The following PCDHA2 variants were observed in gnomAD, a reference collection of about 807,000 sequenced individuals.
PCDHA2 encodes the protein protocadherin alpha-2.
In PCDHA2, 58 loss-of-function variants were observed where a neutral mutation model predicts 66.0. The observed-to-expected ratio is 0.88, with a 90% CI of 0.71 to 1.09. The LOEUF is 1.09. PCDHA2 is among the 50% of genes least tolerant of loss of function. The probability of loss-of-function intolerance (pLI) is 0.00; values close to 1 mark genes in which losing one functional copy is unlikely to be tolerated. For synonymous variants in PCDHA2, 634 were observed against 554.0 expected, an observed-to-expected ratio of 1.14 and a Z score of -2.03; for missense variants, 1,267 against 1,242.3, an observed-to-expected ratio of 1.02 and a Z score of -0.30.
rs1769955190 is a variant in PCDHA2 at position 140,828,794 on chromosome 5, G to A, written c.2388+31442G>A. On this transcript the variant is annotated intron_variant, in intron 1 of 3. Transcript: ENST00000526136. ...TCAGCTGCTGGTCACAGTGCTGGAT[G>A]TGAATGATAATGCTCCCACTTTCGA... is the stretch of plus-strand genomic sequence containing the variant. 1 of 1,614,124 alleles carries A rather than the reference G, an allele frequency of 6.2e-7. No individual in the cohort carries two copies. Among genetic ancestry groups the A allele is most frequent in the African/African-American group, 1.3e-5 (1 of 74,946 alleles).
chr5:140,979,797 C>T (rs1253949980), intron 2 of PCDHA2, among the ~76,000 whole-genome samples: 1 of 152,154 alleles, frequency 6.6e-6, no homozygotes, highest in African/African-American at 2.4e-5. Flanking sequence ...AACAAATGAT[C>T]ACAACTATCA....
At chr5:140,954,650 C>G (rs2095069221) in intron 1 of PCDHA2, among the ~76,000 whole-genome samples, 1 of 151,902 alleles carries the variant, frequency 6.6e-6, no homozygotes, top group Non-Finnish European at 1.5e-5. Context: ...TGTTTAAGTT[C>G]CTTGTAGACT....
intron 1 of PCDHA2, among the ~76,000 whole-genome samples, chr5:140,954,350 GA>G (rs1255818394): frequency 6.6e-6 from 1 of 152,156 alleles, no homozygotes; most frequent in Non-Finnish European, 1.5e-5. Context: ...GATCTTTGAG[GA>G]ATCGCCACAC....
At chr5:140,873,162 G>A (rs782467879) in intron 1 of PCDHA2, among the ~76,000 whole-genome samples, 21 of 152,108 alleles carry the variant, frequency 1.4e-4, no homozygotes, top group Non-Finnish European at 2.2e-4. Flanking sequence ...ACTTTAGATC[G>A]AGAGCTTTTG....
intron 1 of PCDHA2, chr5:140,805,434 T>G: frequency 1.9e-6 from 2 of 1,052,646 alleles, no homozygotes; most frequent in South Asian, 7.1e-5. Context: ...GTTGTTTTGG[T>G]TTTTGTGTGT....
At chr5:140,937,869 G>A (rs1268422806) in intron 1 of PCDHA2, among the ~76,000 whole-genome samples, 1 of 150,376 alleles carries the variant, frequency 6.6e-6, no homozygotes, top group African/African-American at 2.5e-5. Flanking sequence ...CCGAGATCGC[G>A]CCACTGCACT....
intron 1 of PCDHA2, chr5:140,968,472 T>C (rs1554230782): frequency 6.2e-7 from 1 of 1,614,130 alleles, no homozygotes; most frequent in Non-Finnish European, 8.5e-7. Context: ...AACGTATATG[T>C]GGTGGACATG....
At chr5:140,964,212 A>G (rs1195642946) in intron 1 of PCDHA2, among the ~76,000 whole-genome samples, 11 of 152,244 alleles carry the variant, frequency 7.2e-5, no homozygotes, top group African/African-American at 2.7e-4. Flanking sequence ...TCTTTAGTAC[A>G]ATGTCTTTCA....
In PCDHA2 at chr5:140,929,377, C is replaced by G. The variant is rs1436728913; in HGVS notation, c.2389-49572C>G. 3 of 1,514,232 alleles carry G rather than the reference C, an allele frequency of 2.0e-6. No homozygotes were observed. In the African/African-American group the frequency reaches 4.2e-5, roughly 21 times the overall value. The allele number at this position is 1,514,232 out of a possible 1,614,324, so 93.8% of individuals were successfully genotyped here. Reference sequence around the variant, plus strand: ...CCTTTGGCCCGGAGATGGCTGCTAGCTGTGTTTTGAAATATTTCTTAGACA... The same window carrying G: ...CCTTTGGCCCGGAGATGGCTGCTAGGTGTGTTTTGAAATATTTCTTAGACA... On this transcript the variant is annotated intron_variant, in intron 1 of 3. Coordinates refer to ENST00000526136, the MANE Select transcript of PCDHA2 (RefSeq NM_018905.3).
In PCDHA2 at chr5:140,978,956, A is replaced by G; in HGVS notation, c.2396A>G (p.Gln799Arg). 3 of 1,614,194 alleles carry G rather than the reference A, an allele frequency of 1.9e-6. No individual in the cohort carries two copies. The highest frequency in any genetic ancestry group is 2.5e-6 in the Non-Finnish European group (3 of 1,180,026). ...CTCTTTGTGATTTTGCAGCCACGAC[A>G]GCCCAACCCTGACTGGCGTTACTCT... ...SESEYVGKPR[Q>R]PNPDWRYSAS... Residue 799 changes from glutamine (Q) to arginine (R), a missense_variant, in exon 2 of 4, where the codon CAG becomes CGG. Transcript: ENST00000526136.
At chr5:140,801,433 T>G (rs782752855) in intron 1 of PCDHA2, 24 of 1,613,818 alleles carry the variant, frequency 1.5e-5, no homozygotes, top group South Asian at 2.2e-5. Flanking sequence ...GAGGTAAATC[T>G]GCAGAATGGC....
Position 140,796,197 on chromosome 5 carries a change from C to A in PCDHA2, c.1233C>A (p.Ser411Arg), listed in dbSNP as rs782096647. 1.2e-6 allele frequency: 2 copies of A among 1,614,064 alleles called. No individual in the cohort carries two copies. Among genetic ancestry groups the A allele is most frequent in the African/African-American group, 2.7e-5 (2 of 74,938 alleles). The change falls in exon 1 of 4, where the codon AGC becomes AGA. Residue 411 changes from serine (S) to arginine (R), a missense_variant. Coordinates refer to ENST00000526136, the MANE Select transcript of PCDHA2 (RefSeq NM_018905.3). ...ATTACTACTCGTTGGTGCTGGACAG[C>A]GCCCTGGACCGCGAGAGCGTGTCAG... Reference protein sequence around the residue: ...FKNYYSLVLDSALDRESVSAY... With the variant: ...FKNYYSLVLDRALDRESVSAY...
intron 1 of PCDHA2, among the ~76,000 whole-genome samples, chr5:140,880,869 G>C (rs1017640769): frequency 6.6e-6 from 1 of 152,064 alleles, no homozygotes. Context: ...TATGTGAAGA[G>C]GTAAATAAAG....
rs2150240828 is a variant in PCDHA2 at position 140,835,651 on chromosome 5, T to C, written c.2388+38299T>C. The C allele has an allele frequency of 5.0e-6, 8 of 1,613,900 alleles. No individual in the cohort carries two copies. The Admixed American group carries it at 6.7e-5, about 13-fold the overall frequency. On this transcript the variant is annotated intron_variant, in intron 1 of 3. Transcript: ENST00000526136. ...CGCGAGAGTGTGTCCGCCTATGAGC[T>C]GGTGGTTACCGCGCGGGACGGGGGC...
At chr5:140,890,707 T>A (rs1217575075) in intron 1 of PCDHA2, among the ~76,000 whole-genome samples, 1 of 152,206 alleles carries the variant, frequency 6.6e-6, no homozygotes, top group African/African-American at 2.4e-5. Context: ...CTTACATTTT[T>A]AAAATCTTTT....
chr5:140,808,313 G>A (rs782336917), intron 1 of PCDHA2: 2 of 1,614,218 alleles, frequency 1.2e-6, no homozygotes, highest in South Asian at 1.1e-5. Flanking sequence ...CAGCGTGTCC[G>A]ACAAAGACAT....
rs782071598 is a variant in PCDHA2 at position 140,883,785 on chromosome 5, G to C, written c.2388+86433G>C. On this transcript the variant is annotated intron_variant, in intron 1 of 3. Coordinates refer to ENST00000526136, the MANE Select transcript of PCDHA2 (RefSeq NM_018905.3). ...CGGGTGGGCGAGCGTGCGCTGTCGA[G>C]CTACGTGTCGGTGCACGCGGAGAGC... The C allele has an allele frequency of 1.3e-5, 21 of 1,612,402 alleles. No individual in the cohort carries two copies. In the East Asian group the frequency reaches 4.0e-4, roughly 31 times the overall value.
Position 140,871,114 on chromosome 5 carries a change from A to G in PCDHA2, c.2388+73762A>G, listed in dbSNP as rs1554165136. The G allele has an allele frequency of 1.9e-6, 3 of 1,613,090 alleles. No individual in the cohort carries two copies. The African/African-American group carries it at 4.0e-5, about 22-fold the overall frequency. On this transcript the variant is annotated intron_variant, in intron 1 of 3. Transcript: ENST00000526136. ...CACCGTGCTGGTGTCGTTGGTGGAGAGCGGACAGGCGCCAAAGGCCTCTTC... is the reference window on the plus strand; with the variant it reads ...CACCGTGCTGGTGTCGTTGGTGGAGGGCGGACAGGCGCCAAAGGCCTCTTC...
intron 1 of PCDHA2, chr5:140,808,924 G>C: frequency 6.2e-7 from 1 of 1,613,692 alleles, no homozygotes; most frequent in Non-Finnish European, 8.5e-7. Flanking sequence ...CAGTGAGCGA[G>C]CTGGTGCCAT....
Sources: gnomAD v4.1 joint callset for allele counts (sites outside exome capture counted in the v4.1 genomes callset) on GRCh38, gnomAD v4.1.1 for gene constraint, MANE v1.5 for transcripts, NCBI Gene and HGNC (gene_info 2026-07-23, HGNC 2026-07-21) for gene names.